PCDHA3: variants seen among roughly 807,000 people sequenced by gnomAD.
PCDHA3 encodes protocadherin alpha 3, also known as protocadherin alpha-3.
A neutral mutation model predicts 62.2 loss-of-function variants in PCDHA3; 41 were observed. That is an observed-to-expected ratio of 0.66 (90% confidence interval 0.51 to 0.86). The LOEUF (loss-of-function observed/expected upper bound fraction) is 0.86. PCDHA3 is among the 40% of genes least tolerant of loss of function. The pLI, the probability that PCDHA3 is intolerant of heterozygous loss-of-function variation, is 0.00. For missense variants in PCDHA3, 1,304 were observed against 1,241.2 expected (o/e 1.05, Z -0.76); for synonymous variants, 640 against 555.4 (o/e 1.15, Z -2.14).
chr5:140,835,512 C>A (rs147252917), intron 1 of PCDHA3: 5 of 1,613,916 alleles, frequency 3.1e-6, no homozygotes, highest in Middle Eastern at 1.6e-4. Flanking sequence ...CGTGTTTGAC[C>A]GAGATTTTGG....
intron 1 of PCDHA3, among the ~76,000 whole-genome samples, chr5:140,896,089 G>A (rs13174119): frequency 0.32 from 48,051 of 152,038 alleles, 7,939 homozygotes; most frequent in East Asian, 0.53. Flanking sequence ...GGGATTACAG[G>A]CGTGAGCCAC....
chr5:140,899,384 A>G (rs2067296665), intron 1 of PCDHA3, among the ~76,000 whole-genome samples: 2 of 152,124 alleles, frequency 1.3e-5, no homozygotes, highest in Admixed American at 1.3e-4. Context: ...TAATTTATTG[A>G]GAGTTTTTAG....
At chr5:141,000,415 A>AT (rs1563651650) in intron 3 of PCDHA3, among the ~76,000 whole-genome samples, 6 of 87,394 alleles carry the variant, frequency 6.9e-5, no homozygotes, top group African/African-American at 1.5e-4. Flanking sequence ...ATATATATAT[A>AT]TATATATTTT....
At chr5:140,962,928 A>G (rs1447478531) in intron 1 of PCDHA3, among the ~76,000 whole-genome samples, 5 of 152,186 alleles carry the variant, frequency 3.3e-5, no homozygotes, top group African/African-American at 1.2e-4. Flanking sequence ...GATACTTCTC[A>G]ACCTCCTCTC....
At chr5:140,895,292 C>A (rs1032250917) in intron 1 of PCDHA3, among the ~76,000 whole-genome samples, 2 of 152,044 alleles carry the variant, frequency 1.3e-5, no homozygotes. Context: ...TTAGGACCTT[C>A]GATTTCCCCC....
Position 140,871,457 on chromosome 5 carries a change from G to A in PCDHA3, c.2394+67866G>A, listed in dbSNP as rs1562665046. 8.1e-6 allele frequency: 13 copies of A among 1,605,570 alleles called. No individual in the cohort carries two copies. The highest frequency in any genetic ancestry group is 1.1e-5 in the Non-Finnish European group (13 of 1,175,480). The stretch of plus-strand genomic sequence containing the variant: ...CTAGGTCTGAATAAAGAGGAGGAAG[G>A]GGAAAGACAGGAGCCAGGGTCAAAT... On this transcript the variant is annotated intron_variant, in intron 1 of 3. Transcript: ENST00000522353.
At chr5:140,836,696 C>T (rs140050284) in intron 1 of PCDHA3, 1 of 1,613,304 alleles carries the variant, frequency 6.2e-7, no homozygotes, top group African/African-American at 1.3e-5. Context: ...ACCTCATGGC[C>T]TTCAGTCCCA....
At chr5:141,007,402 A>G in intron 3 of PCDHA3, among the ~76,000 whole-genome samples, 2 of 149,740 alleles carry the variant, frequency 1.3e-5, no homozygotes. Context: ...ATACAAAAAA[A>G]AAAAAAAAAA....
chr5:140,813,536 C>T (rs1000742229), intron 1 of PCDHA3: 1 of 152,012 alleles, frequency 6.6e-6, no homozygotes, highest in East Asian at 1.9e-4. Context: ...AATGGTACAC[C>T]TGAATAGGGT....
intron 1 of PCDHA3, among the ~76,000 whole-genome samples, chr5:140,855,588 A>G (rs924591016): frequency 6.7e-6 from 1 of 149,870 alleles, no homozygotes; most frequent in Non-Finnish European, 1.5e-5. Flanking sequence ...AAATATTAGT[A>G]TACTCAGTAG....
At chr5:140,828,512 C>A in intron 1 of PCDHA3, 2 of 1,614,238 alleles carry the variant, frequency 1.2e-6, no homozygotes, top group East Asian at 2.2e-5. Flanking sequence ...ACAAAGAGTG[C>A]TGATTTACGA....
intron 1 of PCDHA3, chr5:140,827,914 G>T: frequency 4.6e-6 from 4 of 864,114 alleles, no homozygotes; most frequent in Non-Finnish European, 5.4e-6. Flanking sequence ...GCATGATGTC[G>T]CTGTCTACCA....
intron 3 of PCDHA3, among the ~76,000 whole-genome samples, chr5:141,003,251 C>T (rs1240561091): frequency 6.6e-6 from 1 of 152,176 alleles, no homozygotes; most frequent in Admixed American, 6.5e-5. Flanking sequence ...AAAAAGATTC[C>T]TGGGCAGTGC....
At chr5:140,870,508 C>T in intron 1 of PCDHA3, 1 of 1,614,244 alleles carries the variant, frequency 6.2e-7, no homozygotes, top group Non-Finnish European at 8.5e-7. Flanking sequence ...GAACAACCCA[C>T]CAGGCTGCCA....
intron 1 of PCDHA3, among the ~76,000 whole-genome samples, chr5:140,974,086 A>G (rs1554235813): frequency 2.6e-5 from 4 of 152,256 alleles, no homozygotes; most frequent in Non-Finnish European, 5.9e-5. Context: ...CATGACTTCA[A>G]AAATCAAAGG....
chr5:140,850,095 C>T lies in PCDHA3; in HGVS notation c.2394+46504C>T, dbSNP rs139719626. 631 of 1,596,304 alleles carry T rather than the reference C, an allele frequency of 4.0e-4. 37 individuals are homozygous for T. In the African/African-American group the frequency reaches 7.2e-3, roughly 18 times the overall value. On this transcript the variant is annotated intron_variant, in intron 1 of 3. Transcript: ENST00000522353. ...CGAGGAGCTGGAGCTGCTACAGTTC[C>T]AGGTGAGCGCGCGCGACGCGGGCGT...
chr5:140,960,792 C>T (rs2095571018), intron 1 of PCDHA3, among the ~76,000 whole-genome samples: 1 of 151,986 alleles, frequency 6.6e-6, no homozygotes, highest in South Asian at 2.1e-4. Context: ...AACAAGGTTT[C>T]TATTAAAATA....
At chr5:140,931,189 C>A (rs2087353658) in intron 1 of PCDHA3, among the ~76,000 whole-genome samples, 1 of 152,112 alleles carries the variant, frequency 6.6e-6, no homozygotes, top group Non-Finnish European at 1.5e-5. Flanking sequence ...GAAATTGGTG[C>A]ACTACAATGC....
chr5:140,971,529 T>G (rs782358590), intron 1 of PCDHA3, among the ~76,000 whole-genome samples: 1 of 152,176 alleles, frequency 6.6e-6, no homozygotes, highest in East Asian at 1.9e-4. Flanking sequence ...GTTCTGAAAG[T>G]CATCATTGCC....
Sources: allele counts gnomAD v4.1 joint callset (sites outside exome capture counted in the v4.1 genomes callset), GRCh38; gene constraint gnomAD v4.1.1; transcripts MANE v1.5; gene names NCBI Gene and HGNC (gene_info 2026-07-23, HGNC 2026-07-21).